Variants in TIAM1 observed in about 807,000 individuals in gnomAD.
TIAM1 encodes TIAM Rac1 associated GEF 1.
In TIAM1, 65 loss-of-function variants were observed where a neutral mutation model predicts 163.5. That is an observed-to-expected ratio of 0.40 (90% confidence interval 0.33 to 0.49). The LOEUF is 0.49. TIAM1 is among the 20% of genes least tolerant of loss of function. The probability of loss-of-function intolerance (pLI) is 0.77; values close to 1 mark genes in which losing one functional copy is unlikely to be tolerated. For synonymous variants in TIAM1, 833 were observed against 810.1 expected (o/e 1.03, Z -0.48); for missense variants, 1,789 against 2,044.7 (o/e 0.87, Z 2.41).
intron 6 of TIAM1, among the ~76,000 whole-genome samples, chr21:31,226,455 G>T (rs1222877454): frequency 2.0e-5 from 3 of 152,178 alleles, no homozygotes; most frequent in Non-Finnish European, 4.4e-5. Flanking sequence ...TGGGGAAGTG[G>T]TCAGGTAGCC....
At chr21:31,522,302 T>C (rs921013457) in intron 1 of TIAM1, among the ~76,000 whole-genome samples, 1 of 151,400 alleles carries the variant, frequency 6.6e-6, no homozygotes, top group Non-Finnish European at 1.5e-5. Flanking sequence ...AGGTCAAAAG[T>C]TCGAGACCAG....
At chr21:31,283,029 TAATC>T (rs2073639292) in intron 2 of TIAM1, among the ~76,000 whole-genome samples, 1 of 152,212 alleles carries the variant, frequency 6.6e-6, no homozygotes, top group South Asian at 2.1e-4. Flanking sequence ...TGACAATACT[TAATC>T]AACAGGTTCA....
At chr21:31,493,790 G>A (rs911718652) in intron 1 of TIAM1, among the ~76,000 whole-genome samples, 1 of 152,214 alleles carries the variant, frequency 6.6e-6, no homozygotes, top group Non-Finnish European at 1.5e-5. Flanking sequence ...GGTGGCGTCT[G>A]CACTCACTCA....
At position 31,248,405 on chromosome 21, in the gene TIAM1, T is replaced by C. The variant is rs556661651; in HGVS notation, c.1412-2745A>G. On this transcript the variant is annotated intron_variant, in intron 5 of 27. Coordinates refer to ENST00000541036, the MANE Select transcript of TIAM1 (RefSeq NM_001353694.2). The stretch of plus-strand genomic sequence containing the variant: ...AAATCAGCTTTTACTCATGATCAAC[T>C]CGTTCCAACTTTAAGATGAACGCGA... Among the ~76,000 whole-genome samples, 4 of 152,330 alleles carry C rather than the reference T, an allele frequency of 2.6e-5. 1 individual carries two copies. The South Asian group carries it at 8.3e-4, about 32-fold the overall frequency.
chr21:31,494,313 T>C (rs2088307779), intron 1 of TIAM1, among the ~76,000 whole-genome samples: 2 of 152,124 alleles, frequency 1.3e-5, no homozygotes, highest in Admixed American at 6.5e-5. Context: ...CTTCCACAAG[T>C]GATCCAATCC....
chr21:31,507,474 T>G (rs892482592), intron 1 of TIAM1, among the ~76,000 whole-genome samples: 3 of 152,100 alleles, frequency 2.0e-5, no homozygotes, highest in Non-Finnish European at 2.9e-5. Flanking sequence ...CTCAAAGTGC[T>G]GGGATTACAG....
chr21:31,153,519 G>C lies in TIAM1; in HGVS notation c.3172-385C>G, dbSNP rs569022726. Among the ~76,000 whole-genome samples, 9 of 152,278 alleles carry C rather than the reference G, an allele frequency of 5.9e-5. No homozygotes were observed. In the South Asian group the frequency reaches 1.9e-3, roughly 32 times the overall value. On this transcript the variant is annotated intron_variant, in intron 17 of 27. Transcript: ENST00000541036. ...TCGTTTGCTAACCCCTGATTTAAAAGACTAAGATATAGATACTTAAACAGA... is the reference window on the plus strand; with the variant it reads ...TCGTTTGCTAACCCCTGATTTAAAACACTAAGATATAGATACTTAAACAGA...
At chr21:31,165,156 C>A in intron 15 of TIAM1, 91 bp from the exon 16 acceptor site, 1 of 1,140,422 alleles carries the variant, frequency 8.8e-7, no homozygotes, top group South Asian at 1.3e-5. Context: ...GAATCTCGCT[C>A]ATGACATGTA....
At chr21:31,171,360 T>C (rs985050867) in intron 15 of TIAM1, among the ~76,000 whole-genome samples, 4 of 152,162 alleles carry the variant, frequency 2.6e-5, no homozygotes, top group African/African-American at 9.7e-5. Flanking sequence ...CCATATAAGA[T>C]TGAAAATTCA....
At chr21:31,184,562 C>T (rs2085192099) in intron 14 of TIAM1, among the ~76,000 whole-genome samples, 2 of 152,178 alleles carry the variant, frequency 1.3e-5, no homozygotes, top group South Asian at 4.1e-4. Flanking sequence ...CGTTCATCTT[C>T]ATTTAACACC....
At chr21:31,466,888 T>C (rs949112117) in intron 1 of TIAM1, among the ~76,000 whole-genome samples, 1 of 152,072 alleles carries the variant, frequency 6.6e-6, no homozygotes, top group Non-Finnish European at 1.5e-5. Context: ...CCCTGTGATA[T>C]TGAGGCAGAT....
intron 1 of TIAM1, among the ~76,000 whole-genome samples, chr21:31,552,500 G>C (rs574018807): frequency 6.6e-6 from 1 of 152,120 alleles, no homozygotes; most frequent in Non-Finnish European, 1.5e-5. Flanking sequence ...TCCGCCAGGC[G>C]CGGTGGCTCA....
chr21:31,135,890 G>A (rs752979980), intron 23 of TIAM1, 43 bp downstream of exon 23: 8 of 1,548,202 alleles, frequency 5.2e-6, no homozygotes, highest in African/African-American at 2.7e-5. Context: ...TGAAAACTAA[G>A]CTAGACTTTT....
At chr21:31,556,863 T>A (rs1301527308) in intron 1 of TIAM1, among the ~76,000 whole-genome samples, 4 of 152,186 alleles carry the variant, frequency 2.6e-5, no homozygotes, top group South Asian at 2.1e-4. Context: ...CTAGCCCAGC[T>A]TTTTACCTTG....
At position 31,229,019 on chromosome 21, in the gene TIAM1, G is replaced by A. The variant is rs150723682; in HGVS notation, c.1585-3069C>T. On this transcript the variant is annotated intron_variant, in intron 6 of 27. Coordinates refer to ENST00000541036, the MANE Select transcript of TIAM1 (RefSeq NM_001353694.2). ...CCCATGATTCAATTACCTTCCAATG[G>A]GTCCCTCCCACGACAAGTGGGGATT... Among the ~76,000 whole-genome samples the A allele has an allele frequency of 3.9e-3, 590 of 152,212 alleles. 2 individuals are homozygous for A. The highest frequency in any genetic ancestry group is 1.0e-2 in the South Asian group (48 of 4,816).
Position 31,359,245 on chromosome 21 carries a change from C to T in TIAM1, c.-368-19823G>A, listed in dbSNP as rs561690440. 1.8e-3 allele frequency among the ~76,000 whole-genome samples: 274 copies of T among 152,164 alleles called. 3 individuals are homozygous for T. The highest frequency in any genetic ancestry group is 6.1e-3 in the African/African-American group (254 of 41,514). ...TTAATTAATTCATTTAAAATGAAGACGTAACTCATTACAATTAATAAACAA... is the reference window on the plus strand; with the variant it reads ...TTAATTAATTCATTTAAAATGAAGATGTAACTCATTACAATTAATAAACAA... On this transcript the variant is annotated intron_variant, in intron 2 of 28. Transcript: ENST00000286827.
intron 2 of TIAM1, among the ~76,000 whole-genome samples, chr21:31,386,236 C>G (rs536817338): frequency 5.3e-4 from 81 of 151,934 alleles, no homozygotes; most frequent in Admixed American, 5.3e-3. Context: ...GGGTGCTGAG[C>G]AGAGACTTGT....
chr21:31,439,186 T>C (rs2044329581), intron 2 of TIAM1, among the ~76,000 whole-genome samples: 1 of 152,154 alleles, frequency 6.6e-6, no homozygotes, highest in Non-Finnish European at 1.5e-5. Context: ...GTAGCCACAG[T>C]GATTAAAACT....
At chr21:31,419,991 G>A (rs1014647657) in intron 2 of TIAM1, among the ~76,000 whole-genome samples, 9 of 152,208 alleles carry the variant, frequency 5.9e-5, no homozygotes, top group African/African-American at 2.2e-4. Flanking sequence ...GGAGGCTGCA[G>A]CGAGCCAAGA....
Sources: gnomAD v4.1 joint callset for allele counts (sites outside exome capture counted in the v4.1 genomes callset) on GRCh38, gnomAD v4.1.1 for gene constraint, MANE v1.5 for transcripts, NCBI Gene and HGNC (gene_info 2026-07-23, HGNC 2026-07-21) for gene names.